PDE1C: variants seen among roughly 807,000 people sequenced by gnomAD.
PDE1C encodes the protein phosphodiesterase 1C, also known as dual specificity calcium/calmodulin-dependent 3',5'-cyclic nucleotide phosphodiesterase 1C.
A neutral mutation model predicts 93.1 loss-of-function variants in PDE1C; 62 were observed. The ratio of observed to expected loss-of-function variants is 0.67; its 90% CI spans 0.54 to 0.82. PDE1C has a LOEUF of 0.82. Among genes scored for constraint, PDE1C ranks in the 40% least tolerant of loss-of-function variants. PDE1C has a pLI of 0.00. For missense variants in PDE1C, 742 were observed against 884.6 expected, an observed-to-expected ratio of 0.84 and a Z score of 2.04; for synonymous variants, 325 against 310.1, an observed-to-expected ratio of 1.05 and a Z score of -0.50.
chr7:32,025,156 T>C (rs1431389300), intron 2 of PDE1C, among the ~76,000 whole-genome samples: 3 of 152,146 alleles, frequency 2.0e-5, no homozygotes, highest in Admixed American at 6.5e-5. Flanking sequence ...ATCATCCTCA[T>C]GTAGAGTTAT....
intron 2 of PDE1C, among the ~76,000 whole-genome samples, chr7:31,903,116 A>C (rs1800183423): frequency 6.6e-6 from 1 of 151,910 alleles, no homozygotes; most frequent in Non-Finnish European, 1.5e-5. Context: ...AACTAGACTT[A>C]AGGCATTAAA....
intron 2 of PDE1C, among the ~76,000 whole-genome samples, chr7:32,192,768 G>A: frequency 6.6e-6 from 1 of 152,056 alleles, no homozygotes; most frequent in Non-Finnish European, 1.5e-5. Flanking sequence ...TATAATTATA[G>A]GGAGAACTGA....
chr7:32,208,677 C>T (rs956886763), intron 2 of PDE1C, among the ~76,000 whole-genome samples: 11 of 152,066 alleles, frequency 7.2e-5, no homozygotes, highest in African/African-American at 1.4e-4. Flanking sequence ...GTTTGGGGAG[C>T]GTCTCCACTC....
chr7:31,780,464 G>C (rs1362478667), intron 16 of PDE1C, among the ~76,000 whole-genome samples: 2 of 152,126 alleles, frequency 1.3e-5, no homozygotes, highest in Non-Finnish European at 2.9e-5. Flanking sequence ...ATCTATGCTA[G>C]CTCTACTTTG....
At chr7:32,273,504 A>T (rs1811097228) in intron 1 of PDE1C, among the ~76,000 whole-genome samples, 1 of 152,200 alleles carries the variant, frequency 6.6e-6, no homozygotes, top group Non-Finnish European at 1.5e-5. Flanking sequence ...TTATCACAGT[A>T]AGGGGAACTG....
chr7:31,885,428 A>G (rs1188512876), intron 2 of PDE1C, among the ~76,000 whole-genome samples: 1 of 152,186 alleles, frequency 6.6e-6, no homozygotes, highest in Non-Finnish European at 1.5e-5. Context: ...ATTGTGGATG[A>G]GCCATTGCAT....
At chr7:32,305,704 A>G (rs1812982786) in intron 1 of PDE1C, among the ~76,000 whole-genome samples, 1 of 152,166 alleles carries the variant, frequency 6.6e-6, no homozygotes, top group African/African-American at 2.4e-5. Context: ...GACTCGTTAG[A>G]GTTTCAGGCA....
chr7:31,825,579 T>C (rs1789546792), intron 12 of PDE1C, among the ~76,000 whole-genome samples: 1 of 152,130 alleles, frequency 6.6e-6, no homozygotes, highest in Non-Finnish European at 1.5e-5. Context: ...CGCATTGTCA[T>C]AAGAGTTTTT....
chr7:32,300,986 C>T (rs906072319), upstream of PDE1C, among the ~76,000 whole-genome samples: 20 of 151,466 alleles, frequency 1.3e-4, no homozygotes, highest in South Asian at 4.2e-4. Context: ...TATAGATACA[C>T]GCCACCACAC....
the PDE1C span, among the ~76,000 whole-genome samples, chr7:31,639,544 T>TTTTTTTTTTTTTG: frequency 2.2e-5 from 3 of 135,180 alleles, no homozygotes; most frequent in Admixed American, 7.2e-5. Context: ...TTTTGTTTTT[T>TTTTTTTTTTTTTG]TTTTTTTTTT....
chr7:32,163,874 T>C (rs1442099789), intron 3 of PDE1C, among the ~76,000 whole-genome samples: 1 of 152,054 alleles, frequency 6.6e-6, no homozygotes, highest in Non-Finnish European at 1.5e-5. Flanking sequence ...GGATCAGTCT[T>C]CTCCCAAACA....
intron 17 of PDE1C, among the ~76,000 whole-genome samples, chr7:31,759,553 G>A (rs905338371): frequency 2.0e-5 from 3 of 152,140 alleles, no homozygotes; most frequent in Non-Finnish European, 4.4e-5. Flanking sequence ...TTTGCTTGGA[G>A]AAAATGATCT....
intron 3 of PDE1C, chr7:32,078,125 TA>T: frequency 1.5e-6 from 1 of 650,894 alleles, no homozygotes; most frequent in Non-Finnish European, 1.9e-6. Context: ...CAAAGGTACA[TA>T]AATCAGCGGG....
chr7:32,028,826 A>C (rs1584511757), intron 2 of PDE1C, among the ~76,000 whole-genome samples: 1 of 152,076 alleles, frequency 6.6e-6, no homozygotes, highest in East Asian at 1.9e-4. Context: ...TGTAACCTCT[A>C]ACCATCAATT....
At chr7:31,930,564 G>C (rs1429060247) in intron 2 of PDE1C, among the ~76,000 whole-genome samples, 2 of 152,012 alleles carry the variant, frequency 1.3e-5, no homozygotes, top group South Asian at 4.1e-4. Context: ...ATCCAGGCCA[G>C]GCGTGGTGGC....
intron 16 of PDE1C, among the ~76,000 whole-genome samples, chr7:31,794,395 A>C (rs1314890998): frequency 6.6e-6 from 1 of 151,878 alleles, no homozygotes; most frequent in Non-Finnish European, 1.5e-5. Context: ...GCTCCACTGC[A>C]TCTGTGCTAC....
At chr7:32,070,911 C>CGCGCCCA (rs1206770906), upstream of PDE1C, 9 of 985,342 alleles carry the variant, frequency 9.1e-6, no homozygotes, top group Middle Eastern at 1.0e-3. Context: ...GGCTCCGCCC[C>CGCGCCCA]GCGCCCAGCG....
At chr7:31,654,556 T>A in the PDE1C span, among the ~76,000 whole-genome samples, 1 of 152,134 alleles carries the variant, frequency 6.6e-6, no homozygotes, top group Non-Finnish European at 1.5e-5. Flanking sequence ...AGTGCCCAGC[T>A]AGGAGGCTGT....
chr7:31,647,087 C>T, the PDE1C span, among the ~76,000 whole-genome samples: 5 of 152,292 alleles, frequency 3.3e-5, no homozygotes, highest in Non-Finnish European at 2.9e-5. Context: ...TGCACACAGG[C>T]GCATGTGCTG....
Sources: gnomAD v4.1 joint callset for allele counts (sites outside exome capture counted in the v4.1 genomes callset) on GRCh38, gnomAD v4.1.1 for gene constraint, MANE v1.5 for transcripts, NCBI Gene and HGNC (gene_info 2026-07-23, HGNC 2026-07-21) for gene names.